Variants in IKZF2 observed in about 807,000 individuals in gnomAD.
IKZF2 encodes the protein IKAROS family zinc finger 2, also known as zinc finger protein Helios.
IKZF2 carries 15 observed loss-of-function variants against 49.2 expected under a neutral mutation model. That is an observed-to-expected ratio of 0.30 (90% confidence interval 0.20 to 0.47). The LOEUF is 0.47. Ranked by LOEUF, IKZF2 falls within the 20% of genes least tolerant of loss-of-function variation. IKZF2 has a pLI of 1.00. For missense variants in IKZF2, 567 were observed against 664.6 expected (o/e 0.85, Z 1.61); for synonymous variants, 227 against 221.4 (o/e 1.03, Z -0.23).
intron 5 of IKZF2, among the ~76,000 whole-genome samples, chr2:213,051,852 A>G (rs1339350029): frequency 1.3e-5 from 2 of 152,056 alleles, no homozygotes; most frequent in Non-Finnish European, 2.9e-5. Context: ...ATTCGTTAAC[A>G]ATAACTTTAC....
intron 4 of IKZF2, among the ~76,000 whole-genome samples, chr2:213,095,772 AAAG>A (rs1705904692): frequency 6.6e-6 from 1 of 152,080 alleles, no homozygotes; most frequent in Non-Finnish European, 1.5e-5. Context: ...CACTAGAACT[AAAG>A]AAAAATAAGT....
At chr2:213,023,543 T>A (rs909205325) in intron 6 of IKZF2, among the ~76,000 whole-genome samples, 10 of 152,312 alleles carry the variant, frequency 6.6e-5, no homozygotes, top group Non-Finnish European at 1.3e-4. Context: ...TGTATCACCA[T>A]GTGACAGCAT....
At chr2:213,111,833 T>C (rs939090942) in intron 4 of IKZF2, among the ~76,000 whole-genome samples, 4 of 152,196 alleles carry the variant, frequency 2.6e-5, no homozygotes, top group African/African-American at 4.8e-5. Context: ...TTGTTCTCTT[T>C]AGTTTAATAT....
intron 6 of IKZF2, among the ~76,000 whole-genome samples, chr2:213,033,058 T>C (rs1698633703): frequency 6.6e-6 from 1 of 152,214 alleles, no homozygotes; most frequent in Non-Finnish European, 1.5e-5. Flanking sequence ...AAATCCTCTG[T>C]TGTCATTTCA....
chr2:213,057,866 G>C (rs759097774), intron 4 of IKZF2, among the ~76,000 whole-genome samples: 4 of 152,116 alleles, frequency 2.6e-5, no homozygotes, highest in Admixed American at 6.6e-5. Context: ...ACTTGCCACT[G>C]TTAAGAAATT....
chr2:213,062,984 C>A (rs913199421), intron 4 of IKZF2, among the ~76,000 whole-genome samples: 12 of 151,990 alleles, frequency 7.9e-5, no homozygotes, highest in African/African-American at 2.4e-5. Context: ...AAAACCACAA[C>A]AAAGGTATAT....
chr2:213,087,666 G>T (rs192784939), intron 4 of IKZF2, among the ~76,000 whole-genome samples: 1 of 152,084 alleles, frequency 6.6e-6, no homozygotes, highest in Admixed American at 6.5e-5. Flanking sequence ...TGCACCCCAT[G>T]ACAGGCCCCA....
At chr2:213,128,683 A>C (rs2060352171) in intron 4 of IKZF2, among the ~76,000 whole-genome samples, 1 of 152,042 alleles carries the variant, frequency 6.6e-6, no homozygotes, top group Admixed American at 6.5e-5. Flanking sequence ...GATGGAGTAC[A>C]GTGGCATGAT....
At chr2:213,064,609 A>C (rs1045668055) in intron 4 of IKZF2, among the ~76,000 whole-genome samples, 1 of 152,170 alleles carries the variant, frequency 6.6e-6, no homozygotes, top group South Asian at 2.1e-4. Flanking sequence ...GAATTATACA[A>C]TGCAGAGAAA....
chr2:213,109,524 C>A (rs1349596365), intron 4 of IKZF2, among the ~76,000 whole-genome samples: 1 of 151,744 alleles, frequency 6.6e-6, no homozygotes, highest in African/African-American at 2.4e-5. Context: ...AATTAACTTT[C>A]TGAAAGGTTA....
intron 8 of IKZF2, 110 bp downstream of exon 8, chr2:213,013,681 G>A (rs1696235224): frequency 1.1e-6 from 1 of 946,566 alleles, no homozygotes. Flanking sequence ...AAAGAGATGG[G>A]TATTTATTTC....
rs1242715945 is a variant in IKZF2 at position 213,005,398 on chromosome 2, T to C, written c.*1962A>G. 1 of 151,870 alleles carries C rather than the reference T, an allele frequency of 6.6e-6. No individual in the cohort carries two copies. Among genetic ancestry groups the C allele is most frequent in the Non-Finnish European group, 1.5e-5 (1 of 67,958 alleles). 9.4% of individuals were successfully genotyped at this position (151,870 alleles called of 1,614,324 possible). ...CAGGGACTAGTAGAAGAGAGCTGAG[T>C]TCTAACCATTTTTGCCTAGTTCTAG... is the stretch of plus-strand genomic sequence containing the variant. On this transcript the variant is annotated 3_prime_UTR_variant, in exon 9 of 9. Coordinates refer to ENST00000434687, the MANE Select transcript of IKZF2 (RefSeq NM_001387220.1).
intron 4 of IKZF2, among the ~76,000 whole-genome samples, chr2:213,066,834 G>T (rs2125454417): frequency 6.6e-6 from 1 of 152,158 alleles, no homozygotes; most frequent in East Asian, 1.9e-4. Context: ...AGCATCCTAT[G>T]AAGTATTTAA....
chr2:213,058,042 C>G (rs1701332966), intron 4 of IKZF2, among the ~76,000 whole-genome samples: 1 of 152,056 alleles, frequency 6.6e-6, no homozygotes, highest in African/African-American at 2.4e-5. Flanking sequence ...CTTAAGAAGT[C>G]ATATCAAAGT....
chr2:213,103,328 T>A (rs1025704026), intron 4 of IKZF2, among the ~76,000 whole-genome samples: 1 of 152,142 alleles, frequency 6.6e-6, no homozygotes, highest in African/African-American at 2.4e-5. Context: ...CAGACTGTCT[T>A]CAAAGCTTGG....
At chr2:213,057,446 T>C (rs1701269013) in intron 4 of IKZF2, among the ~76,000 whole-genome samples, 1 of 152,186 alleles carries the variant, frequency 6.6e-6, no homozygotes, top group Non-Finnish European at 1.5e-5. Context: ...GATAGGATTA[T>C]GGAAGAAACA....
chr2:213,101,696 T>C (rs1236425593), intron 4 of IKZF2, among the ~76,000 whole-genome samples: 1 of 152,160 alleles, frequency 6.6e-6, no homozygotes, highest in African/African-American at 2.4e-5. Flanking sequence ...ATCAAATGAA[T>C]AATCCAGCAC....
At chr2:213,092,082 G>A (rs1385772746) in intron 4 of IKZF2, among the ~76,000 whole-genome samples, 1 of 151,976 alleles carries the variant, frequency 6.6e-6, no homozygotes, top group Non-Finnish European at 1.5e-5. Context: ...CTGGAGTGCA[G>A]TAGCACAATC....
chr2:213,007,059 C>T lies in IKZF2; in HGVS notation c.*301G>A, dbSNP rs1028522125. ...ATCTCTTAGGTGAATCTTTATGAAT[C>T]AAGTGATTTTTCAAAGCATGATATG... On this transcript the variant is annotated 3_prime_UTR_variant, in exon 9 of 9. Coordinates refer to ENST00000434687, the MANE Select transcript of IKZF2 (RefSeq NM_001387220.1). 4.0e-6 allele frequency: 1 copy of T among 248,550 alleles called. No homozygotes were observed. The highest frequency in any genetic ancestry group is 2.2e-5 in the African/African-American group (1 of 44,600). The allele number at this position is 248,550 out of a possible 1,614,324, so 15.4% of individuals were successfully genotyped here.
Sources: gnomAD v4.1 joint callset for allele counts (sites outside exome capture counted in the v4.1 genomes callset) on GRCh38, gnomAD v4.1.1 for gene constraint, MANE v1.5 for transcripts, NCBI Gene and HGNC (gene_info 2026-07-23, HGNC 2026-07-21) for gene names.